Variants in P2RY14 observed in about 807,000 individuals in gnomAD.
The protein encoded by P2RY14 is purinergic receptor P2Y14.
In P2RY14, 2 loss-of-function variants were observed where a neutral mutation model predicts 0.9. The ratio of observed to expected loss-of-function variants is 2.16; its 90% CI spans 0.88 to 6.79. The LOEUF (loss-of-function observed/expected upper bound fraction) is 6.79. Ranked by LOEUF, P2RY14 falls within the 30% of genes most tolerant of loss-of-function variation. P2RY14 has a pLI of 0.05. For missense variants in P2RY14, 378 were observed against 400.1 expected (o/e 0.94, Z 0.47); for synonymous variants, 158 against 147.2 (o/e 1.07, Z -0.53).
At chr3:151,248,564 C>A (rs924788042) in intron 1 of P2RY14, among the ~76,000 whole-genome samples, 1 of 152,164 alleles carries the variant, frequency 6.6e-6, no homozygotes, top group Middle Eastern at 3.2e-3. Context: ...TCACTACCCA[C>A]ATACCCATCC....
intron 1 of P2RY14, among the ~76,000 whole-genome samples, chr3:151,229,510 A>T (rs1276529977): frequency 9.6e-6 from 1 of 104,386 alleles, no homozygotes; most frequent in Non-Finnish European, 1.8e-5. Flanking sequence ...ACGGAGTCTC[A>T]CTTTGTCGCC....
intron 1 of P2RY14, among the ~76,000 whole-genome samples, chr3:151,248,263 T>C (rs961864885): frequency 2.0e-5 from 3 of 152,150 alleles, no homozygotes; most frequent in African/African-American, 7.2e-5. Context: ...ACCTATTTAA[T>C]TCCTATTTCT....
chr3:151,268,663 G>A (rs1287867739), intron 1 of P2RY14, among the ~76,000 whole-genome samples: 1 of 152,182 alleles, frequency 6.6e-6, no homozygotes, highest in East Asian at 1.9e-4. Flanking sequence ...TGAGCATAGA[G>A]CCTTTAGTAA....
intron 1 of P2RY14, among the ~76,000 whole-genome samples, chr3:151,247,687 A>G (rs1430841118): frequency 6.8e-6 from 1 of 148,050 alleles, no homozygotes; most frequent in Non-Finnish European, 1.5e-5. Context: ...GGTGCAGTGC[A>G]CCAGCATGGC....
At chr3:151,258,359 A>G (rs1738221719) in intron 1 of P2RY14, among the ~76,000 whole-genome samples, 1 of 152,174 alleles carries the variant, frequency 6.6e-6, no homozygotes, top group Admixed American at 6.6e-5. Context: ...AGTACTTTCT[A>G]ATGTGGTCAT....
intron 1 of P2RY14, among the ~76,000 whole-genome samples, chr3:151,259,623 G>T (rs9815520): frequency 0.5 from 75,994 of 152,020 alleles, 19,180 homozygotes; most frequent in Middle Eastern, 0.63. Context: ...ATAAACATCT[G>T]AAAATGAGCC....
chr3:151,278,126 C>A (rs1011213021), intron 1 of P2RY14, among the ~76,000 whole-genome samples, 161 bp downstream of exon 1: 1 of 151,912 alleles, frequency 6.6e-6, no homozygotes, highest in Non-Finnish European at 1.5e-5. Context: ...ATTAATATAC[C>A]AATTATAGTT....
At chr3:151,260,233 T>A (rs1199212715) in intron 1 of P2RY14, among the ~76,000 whole-genome samples, 1 of 152,192 alleles carries the variant, frequency 6.6e-6, no homozygotes, top group East Asian at 1.9e-4. Context: ...CTAGCCTAAT[T>A]AAATTGTATG....
chr3:151,215,274 G>C (rs1238057168), intron 2 of P2RY14, among the ~76,000 whole-genome samples: 3 of 152,012 alleles, frequency 2.0e-5, no homozygotes, highest in Non-Finnish European at 2.9e-5. Flanking sequence ...GCCATGTGTG[G>C]GTATTGAGCA....
At chr3:151,237,496 C>G (rs1163576287) in intron 1 of P2RY14, among the ~76,000 whole-genome samples, 3 of 151,316 alleles carry the variant, frequency 2.0e-5, no homozygotes, top group Non-Finnish European at 4.4e-5. Context: ...ACTACAGGTG[C>G]CCGCCACCAT....
intron 1 of P2RY14, among the ~76,000 whole-genome samples, chr3:151,252,677 A>T (rs1447845732): frequency 2.6e-5 from 4 of 152,154 alleles, no homozygotes; most frequent in African/African-American, 9.7e-5. Flanking sequence ...GTTCATTTTT[A>T]TTTTTGAAGG....
Position 151,213,224 on chromosome 3 carries a change from T to C in P2RY14, c.*76A>G. The C allele has an allele frequency of 9.0e-7, 1 of 1,105,434 alleles. No individual in the cohort carries two copies. The highest frequency in any genetic ancestry group is 1.3e-6 in the Non-Finnish European group (1 of 761,026). 68.5% of individuals were successfully genotyped at this position (1,105,434 alleles called of 1,614,324 possible). A position where few individuals can be genotyped will look rare whatever the true frequency, so the allele number is the denominator to read the frequency against. ...AGATGATATTTATGATGAGGGCACATATCTTATTGATTTCTGTTATGTAAT... is the reference window on the plus strand; with the variant it reads ...AGATGATATTTATGATGAGGGCACACATCTTATTGATTTCTGTTATGTAAT... On this transcript the variant is annotated 3_prime_UTR_variant, in exon 3 of 3. Transcript: ENST00000309170.
chr3:151,244,299 A>G (rs1331224392), intron 1 of P2RY14, among the ~76,000 whole-genome samples: 2 of 126,974 alleles, frequency 1.6e-5, no homozygotes, highest in East Asian at 5.0e-4. Flanking sequence ...TCCACCCCAA[A>G]TCAACAGAAT....
In P2RY14 at chr3:151,234,314, C is replaced by T. The variant is rs532252569; in HGVS notation, c.-132-14672G>A. Among the ~76,000 whole-genome samples, 78 of 152,170 alleles carry T rather than the reference C, an allele frequency of 5.1e-4. 1 individual carries two copies. Among genetic ancestry groups the T allele is most frequent in the Non-Finnish European group, 9.8e-4 (67 of 68,024 alleles). On this transcript the variant is annotated intron_variant, in intron 1 of 2. Transcript: ENST00000309170. Reference sequence around the variant, plus strand: ...TGGTCCTGACAAGATAGGAGTAATCCTGTTTTATACTGGAGGATAACAAAG... The same window carrying T: ...TGGTCCTGACAAGATAGGAGTAATCTTGTTTTATACTGGAGGATAACAAAG...
rs190965758 is a variant in P2RY14 at position 151,264,700 on chromosome 3, C to T, written c.-133+13587G>A. 6.5e-3 allele frequency among the ~76,000 whole-genome samples: 994 copies of T among 152,328 alleles called. 23 individuals carry two copies. The highest frequency in any genetic ancestry group is 0.037 in the South Asian group (180 of 4,826). On this transcript the variant is annotated intron_variant, in intron 1 of 2. Coordinates refer to ENST00000309170, the MANE Select transcript of P2RY14 (RefSeq NM_014879.4). The stretch of plus-strand genomic sequence containing the variant: ...AGCCTGTGCCCCCTACCCCAGCCAG[C>T]TGCAAGAAGGAGCTCTAAAAACACA...
chr3:151,217,353 C>T (rs554536448), intron 2 of P2RY14, among the ~76,000 whole-genome samples: 2 of 152,222 alleles, frequency 1.3e-5, no homozygotes, highest in South Asian at 2.1e-4. Flanking sequence ...GCTGCAGGTC[C>T]AGAACTCTGC....
chr3:151,237,142 A>G (rs1732993462), intron 1 of P2RY14, among the ~76,000 whole-genome samples: 1 of 150,796 alleles, frequency 6.6e-6, no homozygotes, highest in Non-Finnish European at 1.5e-5. Flanking sequence ...CCCAGGTTCA[A>G]GCGATTCTGC....
chr3:151,217,687 A>C (rs1361614253), intron 2 of P2RY14, among the ~76,000 whole-genome samples: 1 of 152,196 alleles, frequency 6.6e-6, no homozygotes, highest in Non-Finnish European at 1.5e-5. Flanking sequence ...TCATGCCAGG[A>C]CAGATTTCTT....
chr3:151,221,634 G>A (rs191138366), intron 1 of P2RY14, among the ~76,000 whole-genome samples: 1 of 152,310 alleles, frequency 6.6e-6, no homozygotes, highest in African/African-American at 2.4e-5. Context: ...GCTTCCACCT[G>A]GTGTGGAGCC....
Sources: gnomAD v4.1 joint callset for allele counts (sites outside exome capture counted in the v4.1 genomes callset) on GRCh38, gnomAD v4.1.1 for gene constraint, MANE v1.5 for transcripts, NCBI Gene and HGNC (gene_info 2026-07-23, HGNC 2026-07-21) for gene names.